KIAA1671: variants seen among roughly 807,000 people sequenced by gnomAD.
The protein encoded by KIAA1671 is uncharacterized protein KIAA1671.
Under a neutral mutation model 131.2 loss-of-function variants are expected in KIAA1671, and 52 were observed. The ratio of observed to expected loss-of-function variants is 0.40; its 90% CI spans 0.32 to 0.50. The LOEUF is 0.50. Ranked by LOEUF, KIAA1671 falls within the 20% of genes least tolerant of loss-of-function variation. The pLI is 0.73. For synonymous variants in KIAA1671, 1,003 were observed against 961.6 expected, an observed-to-expected ratio of 1.04 and a Z score of -0.80; for missense variants, 2,360 against 2,364.2, an observed-to-expected ratio of 1.00 and a Z score of 0.04.
chr22:25,049,155 T>C, intron 5 of KIAA1671, 75 bp from the exon 6 acceptor site: 1 of 1,503,414 alleles, frequency 6.7e-7, no homozygotes, highest in African/African-American at 1.4e-5. Context: ...CAGAATGGAC[T>C]CTTGGCATAA....
intron 10 of KIAA1671, among the ~76,000 whole-genome samples, chr22:25,183,336 C>T (rs1461647891): frequency 1.3e-5 from 2 of 152,102 alleles, no homozygotes; most frequent in Admixed American, 6.5e-5. Context: ...GTAGTGGATG[C>T]GTGCTTGTGT....
At chr22:25,020,241 GTAAT>G (rs1383361978) in intron 1 of KIAA1671, among the ~76,000 whole-genome samples, 3 of 152,108 alleles carry the variant, frequency 2.0e-5, no homozygotes, top group Non-Finnish European at 4.4e-5. Flanking sequence ...TAGAATGGTG[GTAAT>G]TAATCATTTG....
At position 25,028,905 on chromosome 22, in the gene KIAA1671, C is replaced by G. The variant is rs1182111401; in HGVS notation, c.906C>G (p.Ala302=). ...ENKEALLRKV[A]DEGSGPTAGD... is the part of the protein sequence containing the mutation. The stretch of plus-strand genomic sequence containing the variant: ...AAGAGGCCTTGCTGAGGAAGGTGGC[C>G]GATGAAGGAAGTGGACCCACAGCAG... Residue 302 remains alanine, a synonymous_variant, in exon 3 of 13, where the codon GCC becomes GCG. Coordinates refer to ENST00000358431, the MANE Select transcript of KIAA1671 (RefSeq NM_001145206.2). 6 of 1,551,412 alleles carry G rather than the reference C, an allele frequency of 3.9e-6. No individual in the cohort carries two copies. Among genetic ancestry groups the G allele is most frequent in the African/African-American group, 1.4e-5 (1 of 73,042 alleles).
rs554112666 is a variant in KIAA1671, at chr22:25,193,347, G to A, written c.*946G>A. On this transcript the variant is annotated 3_prime_UTR_variant, in exon 13 of 13. Coordinates refer to ENST00000358431, the MANE Select transcript of KIAA1671 (RefSeq NM_001145206.2). Reference sequence around the variant, plus strand: ...TTCATAAACTGCAGCCCAAGTGGTGGTGCCTTTGCTTATGAATCATCAGAC... The same window carrying A: ...TTCATAAACTGCAGCCCAAGTGGTGATGCCTTTGCTTATGAATCATCAGAC... The A allele has an allele frequency of 1.3e-5, 2 of 152,296 alleles. No individual in the cohort carries two copies. The highest frequency in any genetic ancestry group is 4.1e-4 in the South Asian group (2 of 4,822). 9.4% of individuals were successfully genotyped at this position (152,296 alleles called of 1,614,324 possible).
intron 7 of KIAA1671, among the ~76,000 whole-genome samples, chr22:25,173,530 C>T (rs1221102302): frequency 6.6e-6 from 1 of 152,182 alleles, no homozygotes; most frequent in African/African-American, 2.4e-5. Flanking sequence ...AGCAGAAATA[C>T]AACATGATGA....
chr22:25,132,447 C>T (rs1932483742), intron 6 of KIAA1671, among the ~76,000 whole-genome samples: 2 of 152,184 alleles, frequency 1.3e-5, no homozygotes, highest in Admixed American at 1.3e-4. Flanking sequence ...CAGATCAAAT[C>T]CCAGATCTGC....
chr22:24,968,748 C>A (rs1182457640), intron 1 of KIAA1671, among the ~76,000 whole-genome samples: 1 of 152,112 alleles, frequency 6.6e-6, no homozygotes, highest in Non-Finnish European at 1.5e-5. Context: ...CTTTGGGGGA[C>A]CCGCCTGCTT....
At position 25,093,736 on chromosome 22, in the gene KIAA1671, C is replaced by CTT. The variant is rs1568950981; in HGVS notation, c.4530+44372_4530+44373insTT. On this transcript the variant is annotated intron_variant, in intron 6 of 12. Transcript: ENST00000358431. ...ACACACACACACACACACACACACA[C>CTT]ACTCTCTCTCTCTCTCTCTCTCTCT... 1.6e-3 allele frequency among the ~76,000 whole-genome samples: 189 copies of CTT among 115,274 alleles called. 5 individuals are homozygous for CTT. Among genetic ancestry groups the CTT allele is most frequent in the African/African-American group, 3.6e-3 (85 of 23,722 alleles). The allele number at this position is 115,274 out of a possible 152,430, so 75.6% of individuals were successfully genotyped here.
At chr22:25,183,933 G>A (rs1002237864) in intron 10 of KIAA1671, among the ~76,000 whole-genome samples, 3 of 152,142 alleles carry the variant, frequency 2.0e-5, no homozygotes, top group Non-Finnish European at 4.4e-5. Context: ...ACAGCCACAG[G>A]CCCTGGGTGT....
intron 6 of KIAA1671, among the ~76,000 whole-genome samples, chr22:25,117,614 CACACACACACACACACACACACAG>C (rs1931738670): frequency 6.6e-6 from 1 of 151,350 alleles, no homozygotes; most frequent in Non-Finnish European, 1.5e-5. Flanking sequence ...CACACACACA[CACACACACACACACACACACACAG>C]ACACACTGCT....
At chr22:25,022,241 A>T (rs1401084644) in intron 1 of KIAA1671, among the ~76,000 whole-genome samples, 1 of 152,224 alleles carries the variant, frequency 6.6e-6, no homozygotes. Flanking sequence ...TAAATGACTG[A>T]TAAGCTCTCA....
Position 25,040,093 on chromosome 22 carries a change from G to A in KIAA1671, c.2963G>A (p.Arg988Lys). 1 of 1,551,716 alleles carries A rather than the reference G, an allele frequency of 6.4e-7. No homozygotes were observed. The highest frequency in any genetic ancestry group is 1.2e-5 in the South Asian group (1 of 84,060). The change falls in exon 5 of 13, where the codon AGA (arginine) becomes AAA (lysine). Residue 988 changes from arginine to lysine, a missense_variant. By Grantham distance (26) the Arg-to-Lys change is conservative. This residue lies in a region of KIAA1671 where 1,161 missense variants were observed against 1,204.7 expected (regional missense o/e 0.96). Transcript: ENST00000358431. Reference sequence around the variant, plus strand: ...GTGAGCCCCACAGCCAGTGCCTTAAGAAAACCTCAACTATCCCACTACAGG... The same window carrying A: ...GTGAGCCCCACAGCCAGTGCCTTAAAAAAACCTCAACTATCCCACTACAGG... ...DYVSPTASAL[R>K]KPQLSHYRVE...
chr22:24,996,055 G>A (rs1021528774), intron 1 of KIAA1671, among the ~76,000 whole-genome samples: 1 of 152,262 alleles, frequency 6.6e-6, no homozygotes, highest in Non-Finnish European at 1.5e-5. Context: ...AGTGAGGGCA[G>A]GTGGTGTTCA....
chr22:25,109,813 T>C (rs1931239724), intron 6 of KIAA1671, among the ~76,000 whole-genome samples: 1 of 151,864 alleles, frequency 6.6e-6, no homozygotes, highest in African/African-American at 2.4e-5. Context: ...CTTTATTAAA[T>C]GAATGAATGA....
chr22:25,037,761 T>A (rs1037659371), intron 4 of KIAA1671, among the ~76,000 whole-genome samples: 1,544 of 152,292 alleles, frequency 0.01, 34 homozygotes, highest in African/African-American at 0.036. Flanking sequence ...CTTATATAGC[T>A]TTTTGACTGG....
chr22:24,963,503 G>T (rs1000198151), intron 1 of KIAA1671, among the ~76,000 whole-genome samples: 1 of 151,930 alleles, frequency 6.6e-6, no homozygotes, highest in African/African-American at 2.4e-5. Context: ...TGCTTCCTGT[G>T]TGACCCTGGG....
At chr22:25,182,087 G>C (rs1223925759) in intron 10 of KIAA1671, among the ~76,000 whole-genome samples, 1 of 152,104 alleles carries the variant, frequency 6.6e-6, no homozygotes, top group Non-Finnish European at 1.5e-5. Flanking sequence ...GCTGAGGCAG[G>C]AGAATGGCTT....
chr22:25,118,212 C>T (rs1931774370), intron 6 of KIAA1671, among the ~76,000 whole-genome samples: 1 of 151,946 alleles, frequency 6.6e-6, no homozygotes, highest in African/African-American at 2.4e-5. Flanking sequence ...CATCCTTTCT[C>T]ACCTCTTCCA....
intron 7 of KIAA1671, among the ~76,000 whole-genome samples, chr22:25,172,727 T>C (rs1411266355): frequency 6.6e-6 from 1 of 152,202 alleles, no homozygotes; most frequent in Admixed American, 6.5e-5. Context: ...GTAAATTTTC[T>C]ATCTTACATT....
Sources: gnomAD v4.1 joint callset for allele counts (sites outside exome capture counted in the v4.1 genomes callset) on GRCh38, gnomAD v4.1.1 for gene constraint, gnomAD v4.1.1 regional missense constraint, MANE v1.5 for transcripts, NCBI Gene and HGNC (gene_info 2026-07-23, HGNC 2026-07-21) for gene names.